The following DSCAM variants were observed in gnomAD, a reference collection of about 807,000 sequenced individuals.
DSCAM encodes the protein cell adhesion molecule DSCAM.
Under a neutral mutation model 217.7 loss-of-function variants are expected in DSCAM, and 47 were observed. The ratio of observed to expected loss-of-function variants is 0.22; its 90% CI spans 0.17 to 0.28. The LOEUF (loss-of-function observed/expected upper bound fraction) is 0.28. Among genes scored for constraint, DSCAM ranks in the 10% least tolerant of loss-of-function variants. DSCAM has a pLI of 1.00. For synonymous variants in DSCAM, 1,056 were observed against 1,015.3 expected (o/e 1.04, Z -0.76); for missense variants, 2,080 against 2,618.3 (o/e 0.79, Z 4.49).
At chr21:40,037,373 C>A (rs1428850313) in intron 32 of DSCAM, among the ~76,000 whole-genome samples, 1 of 148,492 alleles carries the variant, frequency 6.7e-6, no homozygotes, top group Non-Finnish European at 1.5e-5. Context: ...ACACCAATAA[C>A]AGACAAACAG....
chr21:40,820,675 A>G (rs976483187), intron 1 of DSCAM, among the ~76,000 whole-genome samples: 2 of 152,212 alleles, frequency 1.3e-5, no homozygotes, highest in Admixed American at 6.5e-5. Context: ...GAAAAAAATT[A>G]TCTTATGGTT....
At chr21:40,118,416 A>C (rs1367857227) in intron 20 of DSCAM, among the ~76,000 whole-genome samples, 3 of 152,132 alleles carry the variant, frequency 2.0e-5, no homozygotes, top group Admixed American at 1.3e-4. Context: ...TGAAAACCCC[A>C]TCTCCACTAA....
At position 40,108,670 on chromosome 21, in the gene DSCAM, C is replaced by G. The variant is rs555250458; in HGVS notation, c.3697-14796G>C. On this transcript the variant is annotated intron_variant, in intron 20 of 32. Coordinates refer to ENST00000400454, the MANE Select transcript of DSCAM (RefSeq NM_001389.5). ...ACTATTTTAAAAATTCAGTTGGAAC[C>G]AAAAAGAGCCCAAACAGCCAAGGCA... Among the ~76,000 whole-genome samples the G allele has an allele frequency of 3.2e-3, 494 of 152,128 alleles. 2 individuals are homozygous for G. Among genetic ancestry groups the G allele is most frequent in the African/African-American group, 0.011 (464 of 41,516 alleles).
chr21:40,688,106 T>C (rs964643896), intron 3 of DSCAM, among the ~76,000 whole-genome samples: 6 of 152,140 alleles, frequency 3.9e-5, no homozygotes, highest in Non-Finnish European at 7.4e-5. Flanking sequence ...CTAATAGAGG[T>C]ATTCAGATAG....
chr21:40,545,492 G>T (rs73364975), intron 3 of DSCAM, among the ~76,000 whole-genome samples: 18,293 of 152,052 alleles, frequency 0.12, 2,564 homozygotes, highest in African/African-American at 0.34. Flanking sequence ...CTTTCAGTCT[G>T]TGCTTTAATA....
chr21:40,800,952 C>G (rs1042560647), intron 1 of DSCAM, among the ~76,000 whole-genome samples: 4 of 130,648 alleles, frequency 3.1e-5, no homozygotes, highest in Non-Finnish European at 6.8e-5. Context: ...CTCTTTCTTT[C>G]TTTCTTCTCC....
At chr21:40,112,712 C>G (rs1351942189) in intron 20 of DSCAM, among the ~76,000 whole-genome samples, 1 of 152,002 alleles carries the variant, frequency 6.6e-6, no homozygotes, top group African/African-American at 2.4e-5. Context: ...CAAATACACC[C>G]AATACAAATG....
intron 1 of DSCAM, among the ~76,000 whole-genome samples, chr21:40,712,380 G>A (rs548395895): frequency 6.5e-4 from 97 of 148,776 alleles, no homozygotes; most frequent in African/African-American, 2.1e-3. Flanking sequence ...GGAGAATGGC[G>A]TGAACCCGGG....
At chr21:40,602,348 A>G (rs2077068874) in intron 3 of DSCAM, among the ~76,000 whole-genome samples, 1 of 151,970 alleles carries the variant, frequency 6.6e-6, no homozygotes, top group Non-Finnish European at 1.5e-5. Flanking sequence ...GTCATGAGAC[A>G]TAACGTCAGC....
At chr21:40,829,700 G>A (rs2091997657) in intron 1 of DSCAM, among the ~76,000 whole-genome samples, 1 of 152,092 alleles carries the variant, frequency 6.6e-6, no homozygotes, top group Non-Finnish European at 1.5e-5. Flanking sequence ...GCTGAAATTT[G>A]GAGGGTTTAA....
intron 1 of DSCAM, among the ~76,000 whole-genome samples, chr21:40,726,312 T>C (rs2146516723): frequency 6.6e-6 from 1 of 152,296 alleles, no homozygotes; most frequent in African/African-American, 2.4e-5. Flanking sequence ...TCATATACTA[T>C]GTGGCTCAGC....
chr21:40,348,349 T>G (rs111262413), intron 5 of DSCAM, among the ~76,000 whole-genome samples: 46 of 4,590 alleles, frequency 0.01, no homozygotes, highest in Admixed American at 0.019. Flanking sequence ...ATCAGCCACA[T>G]TATTGCAATC....
At chr21:40,305,270 A>G (rs1336741900) in intron 9 of DSCAM, among the ~76,000 whole-genome samples, 1 of 151,876 alleles carries the variant, frequency 6.6e-6, no homozygotes, top group Non-Finnish European at 1.5e-5. Flanking sequence ...CATGCCTGTA[A>G]TCCAAGCTAC....
rs1569031931 is a variant in DSCAM, at chr21:40,266,651, ATATATATATATATATATAT to A, written c.2356+9427_2356+9445del. On this transcript the variant is annotated intron_variant, in intron 11 of 32. Transcript: ENST00000400454. ...AAAGATGTTTTATATATATATATAT[ATATATATATATATATATAT>A]AATCTTGAAATTTTATATATATAAA... 3.3e-4 allele frequency among the ~76,000 whole-genome samples: 41 copies of A among 123,912 alleles called. 2 individuals are homozygous for A. The South Asian group carries it at 6.6e-3, about 20-fold the overall frequency. 81.3% of individuals were successfully genotyped at this position (123,912 alleles called of 152,430 possible). A position where few individuals can be genotyped will look rare whatever the true frequency, so the allele number is the denominator to read the frequency against.
At chr21:40,505,791 C>G (rs1490762686) in intron 3 of DSCAM, among the ~76,000 whole-genome samples, 1 of 152,154 alleles carries the variant, frequency 6.6e-6, no homozygotes, top group African/African-American at 2.4e-5. Flanking sequence ...TTGTGATATG[C>G]AGTGCTTCTC....
At chr21:40,507,677 C>T (rs974528525) in intron 3 of DSCAM, among the ~76,000 whole-genome samples, 23 of 152,112 alleles carry the variant, frequency 1.5e-4, no homozygotes, top group African/African-American at 5.6e-4. Flanking sequence ...GTAGTCCCAG[C>T]TACTCGGGAG....
rs577982383 is a variant in DSCAM, at chr21:40,025,614, C to T, written c.5687-12228G>A. Among the ~76,000 whole-genome samples, 95 of 149,564 alleles carry T rather than the reference C, an allele frequency of 6.4e-4. 3 individuals are homozygous for T. Among genetic ancestry groups the T allele is most frequent in the African/African-American group, 2.1e-3 (85 of 40,630 alleles). ...TTTAGTCTTGGGAGAGTGTATGTGT[C>T]GAGGAATTTATCCATTTCTTCTAGA... On this transcript the variant is annotated intron_variant, in intron 32 of 32. Coordinates refer to ENST00000400454, the MANE Select transcript of DSCAM (RefSeq NM_001389.5).
intron 3 of DSCAM, among the ~76,000 whole-genome samples, chr21:40,443,554 T>C (rs1438439598): frequency 1.3e-5 from 2 of 152,218 alleles, no homozygotes; most frequent in Non-Finnish European, 2.9e-5. Flanking sequence ...GGTTATTTCA[T>C]GATCAAAATA....
At chr21:40,187,327 T>C (rs532311242) in intron 13 of DSCAM, 68 bp from the exon 14 acceptor site, 2 of 1,580,380 alleles carry the variant, frequency 1.3e-6, no homozygotes, top group Admixed American at 1.8e-5. Flanking sequence ...CTAGTGGAAA[T>C]GCTGAGCGTG....
Sources: allele counts gnomAD v4.1 joint callset (sites outside exome capture counted in the v4.1 genomes callset), GRCh38; gene constraint gnomAD v4.1.1; transcripts MANE v1.5; gene names NCBI Gene and HGNC (gene_info 2026-07-23, HGNC 2026-07-21).